CYP39A1: variants seen among roughly 807,000 people sequenced by gnomAD.
CYP39A1 encodes 24-hydroxycholesterol 7-alpha-hydroxylase.
In CYP39A1, 49 loss-of-function variants were observed where a neutral mutation model predicts 58.1. The observed-to-expected ratio is 0.84, with a 90% CI of 0.67 to 1.07. The LOEUF (loss-of-function observed/expected upper bound fraction) is 1.07, where lower values mean the gene tolerates loss of function less well. Among genes scored for constraint, CYP39A1 ranks in the 50% least tolerant of loss-of-function variants. CYP39A1 has a pLI of 0.00. For synonymous variants in CYP39A1, 209 were observed against 187.6 expected (o/e 1.11, Z -0.93); for missense variants, 531 against 539.4 (o/e 0.98, Z 0.16).
chr6:46,621,111 T>C (rs1774930357), intron 7 of CYP39A1, among the ~76,000 whole-genome samples: 1 of 152,048 alleles, frequency 6.6e-6, no homozygotes, highest in Non-Finnish European at 1.5e-5. Flanking sequence ...CACACAATCA[T>C]AAAGTTAAAA....
intron 7 of CYP39A1, among the ~76,000 whole-genome samples, chr6:46,604,164 A>C (rs1470679340): frequency 6.6e-6 from 1 of 152,150 alleles, no homozygotes; most frequent in Non-Finnish European, 1.5e-5. Context: ...TCACATACCC[A>C]GAGGGCACAT....
chr6:46,563,887 G>A (rs572420205), intron 10 of CYP39A1, among the ~76,000 whole-genome samples: 131 of 152,110 alleles, frequency 8.6e-4, no homozygotes, highest in Non-Finnish European at 1.8e-3. Flanking sequence ...TGGAGGGCCC[G>A]GAGTTCTAGG....
chr6:46,612,216 C>T (rs535807860), intron 7 of CYP39A1, among the ~76,000 whole-genome samples: 2 of 152,222 alleles, frequency 1.3e-5, no homozygotes, highest in East Asian at 3.9e-4. Flanking sequence ...TATCACAAGA[C>T]CCACTTTGGG....
chr6:46,559,360 T>C (rs1770844491), intron 10 of CYP39A1, among the ~76,000 whole-genome samples: 1 of 152,194 alleles, frequency 6.6e-6, no homozygotes, highest in Non-Finnish European at 1.5e-5. Flanking sequence ...GACAAACACA[T>C]TGCCATGTAA....
intron 7 of CYP39A1, among the ~76,000 whole-genome samples, chr6:46,624,260 A>G (rs1775160755): frequency 6.6e-6 from 1 of 152,216 alleles, no homozygotes; most frequent in South Asian, 2.1e-4. Context: ...GAAATGATAA[A>G]GGAGAATATG....
chr6:46,550,524 C>T (rs1184285287), intron 11 of CYP39A1, 87 bp from the exon 12 acceptor site: 2 of 1,185,178 alleles, frequency 1.7e-6, no homozygotes, highest in African/African-American at 1.6e-5. Flanking sequence ...GTAATCTTCT[C>T]TAAAAAGTAC....
chr6:46,551,022 C>T (rs1163227739), intron 11 of CYP39A1, among the ~76,000 whole-genome samples: 3 of 151,574 alleles, frequency 2.0e-5, no homozygotes, highest in Non-Finnish European at 4.4e-5. Flanking sequence ...GGGAGGTCAG[C>T]GTATTGTAAA....
intron 6 of CYP39A1, among the ~76,000 whole-genome samples, chr6:46,626,329 T>C (rs3799868): frequency 0.19 from 29,001 of 152,052 alleles, 2,969 homozygotes; most frequent in African/African-American, 0.27. Flanking sequence ...GAAGTGTGGG[T>C]TTCACTTTCA....
intron 10 of CYP39A1, among the ~76,000 whole-genome samples, chr6:46,575,545 C>T (rs1159875545): frequency 6.6e-6 from 1 of 152,200 alleles, no homozygotes; most frequent in Non-Finnish European, 1.5e-5. Context: ...TGCCAGTGTG[C>T]ACCCACCTGC....
At chr6:46,574,692 A>G (rs918630082) in intron 10 of CYP39A1, among the ~76,000 whole-genome samples, 1 of 152,118 alleles carries the variant, frequency 6.6e-6, no homozygotes, top group Non-Finnish European at 1.5e-5. Context: ...ATAGATACAT[A>G]TCCTGCCCAG....
chr6:46,649,780 G>A (rs1301609888), intron 1 of CYP39A1, among the ~76,000 whole-genome samples: 2 of 152,266 alleles, frequency 1.3e-5, no homozygotes, highest in African/African-American at 4.8e-5. Flanking sequence ...GACTTTCCCC[G>A]TAGTTTTTAT....
At chr6:46,610,241 T>C (rs1347665925) in intron 7 of CYP39A1, among the ~76,000 whole-genome samples, 1 of 152,272 alleles carries the variant, frequency 6.6e-6, no homozygotes, top group Non-Finnish European at 1.5e-5. Context: ...TTGTTTTTCC[T>C]GTGCCAATTG....
chr6:46,651,829 C>A (rs575221307), intron 1 of CYP39A1, among the ~76,000 whole-genome samples: 1 of 152,264 alleles, frequency 6.6e-6, no homozygotes, highest in Non-Finnish European at 1.5e-5. Flanking sequence ...TAATAAAGGT[C>A]TGTTCCTTAA....
At chr6:46,564,526 T>C (rs959128253) in intron 10 of CYP39A1, among the ~76,000 whole-genome samples, 5 of 152,000 alleles carry the variant, frequency 3.3e-5, no homozygotes, top group Non-Finnish European at 7.4e-5. Flanking sequence ...GAGTGGAGAA[T>C]GTACACAGAA....
At chr6:46,595,937 G>A in intron 8 of CYP39A1, 50 bp downstream of exon 8, 2 of 1,565,064 alleles carry the variant, frequency 1.3e-6, no homozygotes, top group Non-Finnish European at 1.7e-6. Context: ...GGCAAAATGT[G>A]TACTTTTTTT....
In CYP39A1 at chr6:46,589,282, G is replaced by T. The variant is rs116059919; in HGVS notation, c.1066-1153C>A. Among the ~76,000 whole-genome samples the T allele has an allele frequency of 5.5e-3, 834 of 151,988 alleles. 2 individuals carry two copies. The highest frequency in any genetic ancestry group is 0.019 in the African/African-American group (785 of 41,474). Reference sequence around the variant, plus strand: ...AGCCTAGGCAACATAGGAAGACCTTGTCTCTACAAAAAAATGAAAAATATT... The same window carrying T: ...AGCCTAGGCAACATAGGAAGACCTTTTCTCTACAAAAAAATGAAAAATATT... On this transcript the variant is annotated intron_variant, in intron 8 of 11. Coordinates refer to ENST00000275016, the MANE Select transcript of CYP39A1 (RefSeq NM_016593.5).
intron 3 of CYP39A1, among the ~76,000 whole-genome samples, chr6:46,638,800 T>C (rs1776152285): frequency 6.6e-6 from 1 of 152,184 alleles, no homozygotes; most frequent in Admixed American, 6.5e-5. Context: ...CATTCCAGGA[T>C]TCCTGCTGAG....
In CYP39A1 at chr6:46,587,444, TATA is replaced by T. The variant is rs1480212283; in HGVS notation, c.1162-282_1162-280del. Among the ~76,000 whole-genome samples, 5 of 152,106 alleles carry T rather than the reference TATA, an allele frequency of 3.3e-5. No homozygotes were observed. In the East Asian group the frequency reaches 9.6e-4, roughly 29 times the overall value. ...TTGACCTAAGAAGAGGAAGAATATT[TATA>T]ATAAGGTCTCAGGCTCCGTCATAAA... is the stretch of plus-strand genomic sequence containing the variant. On this transcript the variant is annotated intron_variant, in intron 9 of 11. Transcript: ENST00000275016.
intron 10 of CYP39A1, among the ~76,000 whole-genome samples, chr6:46,580,902 G>T (rs753791204): frequency 3.9e-5 from 6 of 152,168 alleles, no homozygotes; most frequent in Non-Finnish European, 8.8e-5. Flanking sequence ...TTGCTGATGA[G>T]AATGTAAAAT....
Sources: allele counts gnomAD v4.1 joint callset (sites outside exome capture counted in the v4.1 genomes callset), GRCh38; gene constraint gnomAD v4.1.1; transcripts MANE v1.5; gene names NCBI Gene and HGNC (gene_info 2026-07-23, HGNC 2026-07-21).